Variants in SPG11 observed in about 807,000 individuals in gnomAD.
SPG11 encodes the protein SPG11 vesicle trafficking associated, spatacsin.
SPG11 carries 222 observed loss-of-function variants against 274.0 expected under a neutral mutation model. The ratio of observed to expected loss-of-function variants is 0.81; its 90% CI spans 0.73 to 0.91. The LOEUF is 0.91. Ranked by LOEUF, SPG11 falls within the 40% of genes least tolerant of loss-of-function variation. SPG11 has a pLI of 0.00. For missense variants in SPG11, 3,114 were observed against 2,872.7 expected (o/e 1.08, Z -1.92); for synonymous variants, 1,144 against 1,039.7 (o/e 1.10, Z -1.93).
rs907749391 is a variant in SPG11 at position 44,660,739 on chromosome 15, A to G, written c.258-123T>C. 14 of 874,380 alleles carry G rather than the reference A, an allele frequency of 1.6e-5. No homozygotes were observed. The African/African-American group carries it at 2.0e-4, about 13-fold the overall frequency. The allele number at this position is 874,380 out of a possible 1,614,324, so 54.2% of individuals were successfully genotyped here. ...AGTTGACCTGGTATAGTCATTCTAC[A>G]CTTCAATCTAAGAGAACATAAACTG... On this transcript the variant is annotated intron_variant, in intron 1 of 39. Transcript: ENST00000261866.
intron 21 of SPG11, 159 bp downstream of exon 21, chr15:44,600,308 G>T (rs2083152401): frequency 7.1e-6 from 5 of 708,534 alleles, no homozygotes; most frequent in Non-Finnish European, 1.2e-5. Context: ...TGTTTTAGTG[G>T]CAGAGCCTCA....
Position 44,572,771 on chromosome 15 carries a change from C to G in SPG11, c.6255G>C (p.Gln2085His). Residue 2085 changes from glutamine (Q) to histidine (H), a missense_variant, in exon 33 of 40, where the codon CAG becomes CAC. Coordinates refer to ENST00000261866, the MANE Select transcript of SPG11 (RefSeq NM_025137.4). ...TGCGGTCTTGACACAGAGTGGTCAG[C>G]TGAAGAAATGTCTGGCTTTCCTCTG... ...NPTEESQTFL[Q>H]LTTLCQDRTL... The G allele has an allele frequency of 6.2e-7, 1 of 1,614,098 alleles. No homozygotes were observed. Among genetic ancestry groups the G allele is most frequent in the Non-Finnish European group, 8.5e-7 (1 of 1,180,008 alleles).
intron 15 of SPG11, among the ~76,000 whole-genome samples, chr15:44,617,936 A>G (rs2083631373): frequency 6.6e-6 from 1 of 152,078 alleles, no homozygotes; most frequent in Non-Finnish European, 1.5e-5. Flanking sequence ...TCAGCCTCCC[A>G]AAGTGCTGGG....
At chr15:44,656,000 G>T (rs967535470) in intron 4 of SPG11, among the ~76,000 whole-genome samples, 3 of 152,058 alleles carry the variant, frequency 2.0e-5, no homozygotes, top group African/African-American at 7.2e-5. Context: ...GGATAAAGGC[G>T]ACAACTATAT....
chr15:44,631,805 T>A (rs2084071041), intron 8 of SPG11, among the ~76,000 whole-genome samples: 1 of 134,272 alleles, frequency 7.4e-6, no homozygotes, highest in Non-Finnish European at 1.6e-5. Flanking sequence ...GCACCCAGCT[T>A]TTTTTTTTTT....
chr15:44,600,160 A>C (rs1435882469), intron 21 of SPG11: 1 of 254,408 alleles, frequency 3.9e-6, no homozygotes, highest in Non-Finnish European at 7.7e-6. Flanking sequence ...AGCACAAATG[A>C]AAACAACAAT....
chr15:44,626,560 G>A, intron 10 of SPG11, 53 bp from the exon 11 acceptor site: 2 of 1,547,180 alleles, frequency 1.3e-6, no homozygotes, highest in African/African-American at 1.4e-5. Context: ...TCCTTATTAT[G>A]ATTATCAACA....
chr15:44,587,712 A>G (rs552283603), intron 28 of SPG11, among the ~76,000 whole-genome samples: 1 of 150,990 alleles, frequency 6.6e-6, no homozygotes, highest in Non-Finnish European at 1.5e-5. Context: ...AAAAAAAAAA[A>G]AAAAAAAACG....
intron 7 of SPG11, among the ~76,000 whole-genome samples, chr15:44,640,029 TG>T (rs1262874316): frequency 6.6e-6 from 1 of 151,928 alleles, no homozygotes; most frequent in African/African-American, 2.4e-5. Flanking sequence ...GCTAACACAG[TG>T]AAACCCCGTC....
chr15:44,571,181 G>T (rs2140924182), intron 33 of SPG11, among the ~76,000 whole-genome samples: 1 of 152,308 alleles, frequency 6.6e-6, no homozygotes, highest in East Asian at 1.9e-4. Flanking sequence ...GACTGAAGAA[G>T]GTTCTCCATC....
At chr15:44,566,945 C>T (rs1269242011) in intron 36 of SPG11, among the ~76,000 whole-genome samples, 2 of 152,082 alleles carry the variant, frequency 1.3e-5, no homozygotes, top group Non-Finnish European at 2.9e-5. Flanking sequence ...TCAGGCAATC[C>T]ACCTACCTTG....
chr15:44,616,320 C>T (rs1253845565), intron 15 of SPG11, among the ~76,000 whole-genome samples: 1 of 151,820 alleles, frequency 6.6e-6, no homozygotes, highest in Non-Finnish European at 1.5e-5. Context: ...ATCCTCCTAC[C>T]TCAGCCATCT....
chr15:44,615,454 T>C lies in SPG11; in HGVS notation c.2947A>G (p.Lys983Glu). The change falls in exon 16 of 40, where the codon AAA becomes GAA. Residue 983 changes from lysine (K) to glutamate (E), a missense_variant. Coordinates refer to ENST00000261866, the MANE Select transcript of SPG11 (RefSeq NM_025137.4). ...DTLPVQNYKT[K>E]EGWDFHSQFI... Reference sequence around the variant, plus strand: ...TGAGAATGGAAATCCCAACCTTCTTTGGTCTTGTAGTTTTGAACAGGGAGG... The same window carrying C: ...TGAGAATGGAAATCCCAACCTTCTTCGGTCTTGTAGTTTTGAACAGGGAGG... 1 of 1,614,140 alleles carries C rather than the reference T, an allele frequency of 6.2e-7. No homozygotes were observed. The highest frequency in any genetic ancestry group is 2.2e-5 in the East Asian group (1 of 44,862).
intron 38 of SPG11, 94 bp from the exon 39 acceptor site, chr15:44,564,792 C>T: frequency 7.6e-7 from 1 of 1,308,776 alleles, no homozygotes; most frequent in Non-Finnish European, 1.1e-6. Context: ...TATACTCACT[C>T]ATGTAGTGAA....
At chr15:44,652,373 C>A in intron 4 of SPG11, 107 bp from the exon 5 acceptor site, 1 of 1,196,528 alleles carries the variant, frequency 8.4e-7, no homozygotes, top group South Asian at 1.3e-5. Flanking sequence ...AGGAATAGTA[C>A]AACAAATTCC....
intron 8 of SPG11, among the ~76,000 whole-genome samples, chr15:44,632,193 T>G (rs556048173): frequency 6.6e-6 from 1 of 152,238 alleles, no homozygotes; most frequent in Non-Finnish European, 1.5e-5. Context: ...TGTTTGGGAT[T>G]ATTGGCTCTC....
intron 20 of SPG11, among the ~76,000 whole-genome samples, chr15:44,605,478 G>A (rs1246600383): frequency 6.6e-6 from 1 of 152,128 alleles, no homozygotes; most frequent in Non-Finnish European, 1.5e-5. Flanking sequence ...AAAGATAAAA[G>A]AGAAATAGAA....
At chr15:44,581,152 A>G (rs1247528904) in intron 30 of SPG11, among the ~76,000 whole-genome samples, 1 of 152,196 alleles carries the variant, frequency 6.6e-6, no homozygotes, top group African/African-American at 2.4e-5. Context: ...ATCAGACACC[A>G]TGGAGGCGAA....
At chr15:44,607,619 T>A (rs1401476356) in intron 19 of SPG11, among the ~76,000 whole-genome samples, 2 of 152,106 alleles carry the variant, frequency 1.3e-5, no homozygotes, top group Non-Finnish European at 2.9e-5. Flanking sequence ...TATGAGAATA[T>A]GTGTATTCAG....
Sources: gnomAD v4.1 joint callset for allele counts (sites outside exome capture counted in the v4.1 genomes callset) on GRCh38, gnomAD v4.1.1 for gene constraint, MANE v1.5 for transcripts, NCBI Gene and HGNC (gene_info 2026-07-23, HGNC 2026-07-21) for gene names.